The following CD1B variants were observed in gnomAD, a reference collection of about 807,000 sequenced individuals.
The protein encoded by CD1B is T-cell surface glycoprotein CD1b.
In CD1B, 43 loss-of-function variants were observed where a neutral mutation model predicts 39.8. The observed-to-expected ratio is 1.08, with a 90% CI of 0.85 to 1.39. CD1B has a LOEUF of 1.39. CD1B is among the 40% of genes most tolerant of loss of function. The pLI, the probability that CD1B is intolerant of heterozygous loss-of-function variation, is 0.00. For synonymous variants in CD1B, 192 were observed against 152.5 expected (o/e 1.26, Z -1.91); for missense variants, 495 against 403.8 (o/e 1.23, Z -1.94).
the CD1B span, chr1:158,292,408 G>A: frequency 6.3e-7 from 1 of 1,578,134 alleles, no homozygotes; most frequent in Admixed American, 1.7e-5. Flanking sequence ...TTCTATTCAA[G>A]TACTGCCCCT....
the CD1B span, chr1:158,292,728 G>A: frequency 7.1e-5 from 114 of 1,614,192 alleles, no homozygotes; most frequent in East Asian, 1.4e-3. Flanking sequence ...GAGCAACTGG[G>A]CACTAAACAT....
chr1:158,309,671 G>A, the CD1B span, among the ~76,000 whole-genome samples: 2 of 152,098 alleles, frequency 1.3e-5, 1 homozygote, highest in Admixed American at 1.3e-4. Flanking sequence ...ATGAGTTCAT[G>A]TCCTTTGTAG....
At chr1:158,326,422 G>A (rs1365447691), downstream of CD1B, among the ~76,000 whole-genome samples, 2 of 152,132 alleles carry the variant, frequency 1.3e-5, no homozygotes, top group East Asian at 1.9e-4. Context: ...ATAAAAATGA[G>A]AGAAGAATCC....
At chr1:158,323,346 A>G (rs1380206241), downstream of CD1B, among the ~76,000 whole-genome samples, 1 of 151,588 alleles carries the variant, frequency 6.6e-6, no homozygotes, top group Non-Finnish European at 1.5e-5. Context: ...TAGATTTTTC[A>G]TTACTTTAGT....
At chr1:158,300,119 A>C in the CD1B span, among the ~76,000 whole-genome samples, 1 of 152,278 alleles carries the variant, frequency 6.6e-6, no homozygotes, top group East Asian at 1.9e-4. Flanking sequence ...TCTTGTGGGC[A>C]TTTAGTGCTA....
the CD1B span, among the ~76,000 whole-genome samples, chr1:158,302,348 C>T: frequency 2.6e-5 from 4 of 151,710 alleles, no homozygotes; most frequent in Admixed American, 6.6e-5. Context: ...AGAAAGATCT[C>T]AAATTAGTAA....
chr1:158,318,609 C>T, the CD1B span, among the ~76,000 whole-genome samples: 1 of 152,120 alleles, frequency 6.6e-6, no homozygotes, highest in African/African-American at 2.4e-5. Context: ...GGTCTTGACT[C>T]TTTATCCAAT....
At chr1:158,297,862 G>A in the CD1B span, among the ~76,000 whole-genome samples, 1 of 151,936 alleles carries the variant, frequency 6.6e-6, no homozygotes, top group Non-Finnish European at 1.5e-5. Context: ...CCAAGCCTGG[G>A]GAGGTGGAGG....
chr1:158,313,693 C>G, the CD1B span, among the ~76,000 whole-genome samples: 1 of 152,200 alleles, frequency 6.6e-6, no homozygotes, highest in South Asian at 2.1e-4. Context: ...TAAGTCTGGA[C>G]AAATTTACTC....
intron 2 of CD1B, 43 bp downstream of exon 2, chr1:158,330,751 AAG>A: frequency 6.3e-7 from 1 of 1,594,092 alleles, no homozygotes; most frequent in Non-Finnish European, 8.6e-7. Flanking sequence ...AAAGAGAGAA[AAG>A]AGAGTCCTTG....
chr1:158,312,758 T>C, the CD1B span, among the ~76,000 whole-genome samples: 1 of 152,194 alleles, frequency 6.6e-6, no homozygotes, highest in Admixed American at 6.5e-5. Context: ...ATGAAGTAAT[T>C]AGTATTTTCT....
the CD1B span, among the ~76,000 whole-genome samples, chr1:158,310,118 A>G: frequency 0.012 from 1,874 of 152,262 alleles, 38 homozygotes; most frequent in African/African-American, 0.04. Flanking sequence ...TAGAAAAACA[A>G]ACACATAGAT....
At chr1:158,324,421 C>G (rs1479376085), downstream of CD1B, among the ~76,000 whole-genome samples, 1 of 152,102 alleles carries the variant, frequency 6.6e-6, no homozygotes, top group Admixed American at 6.5e-5. Flanking sequence ...AGTGGGTTAC[C>G]TCCTATTCCA....
Position 158,330,117 on chromosome 1 carries a change from G to A in CD1B, c.342C>T (p.Ile114=), listed in dbSNP as rs1270464620. 6.2e-7 allele frequency: 1 copy of A among 1,612,856 alleles called. No homozygotes were observed. Among genetic ancestry groups the A allele is most frequent in the Non-Finnish European group, 8.5e-7 (1 of 1,179,510 alleles). The change falls in exon 3 of 6, where the codon ATC becomes ATT. Residue 114 remains isoleucine (I), a synonymous_variant. Coordinates refer to ENST00000368168, the MANE Select transcript of CD1B (RefSeq NM_001764.3). ...GDFQMKYPFE[I]QGIAGCELHS... ...GTAGCTCACAGCCTGCTATGCCCTG[G>A]ATCTCAAAGGGGTCTATGTAGAGGG...
intron 5 of CD1B, among the ~76,000 whole-genome samples, chr1:158,328,552 G>A (rs1029837979): frequency 1.8e-4 from 27 of 152,086 alleles, no homozygotes; most frequent in African/African-American, 6.0e-4. Flanking sequence ...AGAATTCATA[G>A]AGACAGAATG....
downstream of CD1B, among the ~76,000 whole-genome samples, chr1:158,324,721 G>A (rs145628631): frequency 4.2e-4 from 64 of 152,056 alleles, 1 homozygote; most frequent in South Asian, 9.5e-3. Context: ...AGTAATTTCC[G>A]TATCACATTT....
chr1:158,322,920 T>A, the CD1B span, among the ~76,000 whole-genome samples: 1 of 152,226 alleles, frequency 6.6e-6, no homozygotes, highest in African/African-American at 2.4e-5. Flanking sequence ...TTACTGCTTT[T>A]AGAATGCTCT....
chr1:158,290,832 G>A, the CD1B span, among the ~76,000 whole-genome samples: 7 of 152,276 alleles, frequency 4.6e-5, no homozygotes, highest in East Asian at 1.4e-3. Flanking sequence ...AATGCAGATA[G>A]TATGAACATC....
the CD1B span, among the ~76,000 whole-genome samples, chr1:158,310,326 G>A: frequency 6.6e-6 from 1 of 152,132 alleles, no homozygotes; most frequent in African/African-American, 2.4e-5. Flanking sequence ...ATTCAAGATG[G>A]ATTAAAGACT....
Sources: gnomAD v4.1 joint callset for allele counts (sites outside exome capture counted in the v4.1 genomes callset) on GRCh38, gnomAD v4.1.1 for gene constraint, MANE v1.5 for transcripts, NCBI Gene and HGNC (gene_info 2026-07-23, HGNC 2026-07-21) for gene names.